HECTD3: variants seen among roughly 807,000 people sequenced by gnomAD.
HECTD3 encodes the protein HECT domain E3 ubiquitin protein ligase 3.
HECTD3 carries 72 observed loss-of-function variants against 109.3 expected under a neutral mutation model. That is an observed-to-expected ratio of 0.66 (90% confidence interval 0.54 to 0.80). The LOEUF is 0.80. Ranked by LOEUF, HECTD3 falls within the 30% of genes least tolerant of loss-of-function variation. The pLI, the probability that HECTD3 is intolerant of heterozygous loss-of-function variation, is 0.00. For synonymous variants in HECTD3, 481 were observed against 471.8 expected (o/e 1.02, Z -0.25); for missense variants, 1,041 against 1,165.2 (o/e 0.89, Z 1.55).
Position 45,011,139 on chromosome 1 carries a change from A to C in HECTD3, c.119T>G (p.Leu40Arg), listed in dbSNP as rs886066135. 3.3e-6 allele frequency: 5 copies of C among 1,508,238 alleles called. No homozygotes were observed. The highest frequency in any genetic ancestry group is 1.4e-5 in the African/African-American group (1 of 69,080). The allele number at this position is 1,508,238 out of a possible 1,614,324, so 93.4% of individuals were successfully genotyped here. ...LRAGRPLPAALAFVPREVLYK... is the reference protein window; with the variant it reads ...LRAGRPLPAARAFVPREVLYK... Reference sequence around the variant, plus strand: ...GAGCACCTCTCGCGGCACGAAAGCCAGCGCTGCTGGCAGCGGCCGCCCGGC... The same window carrying C: ...GAGCACCTCTCGCGGCACGAAAGCCCGCGCTGCTGGCAGCGGCCGCCCGGC... The change falls in exon 1 of 21, where the codon CTG becomes CGG. Residue 40 changes from leucine (L) to arginine (R), a missense_variant. By Grantham distance (102) the Leu-to-Arg change is moderately radical. Coordinates refer to ENST00000372172, the MANE Select transcript of HECTD3 (RefSeq NM_024602.6).
At chr1:45,008,783 G>A (rs1168163285) in intron 7 of HECTD3, 82 bp from the exon 8 acceptor site, 7 of 1,360,514 alleles carry the variant, frequency 5.1e-6, no homozygotes, top group Middle Eastern at 2.5e-4. Context: ...CTCCTTGAAC[G>A]CTCAGCCTTG....
Position 45,006,836 on chromosome 1 carries a change from A to C in HECTD3, c.1622-41T>G, listed in dbSNP as rs758286371. 18 of 1,600,434 alleles carry C rather than the reference A, an allele frequency of 1.1e-5. No individual in the cohort carries two copies. In the East Asian group the frequency reaches 3.3e-4, roughly 30 times the overall value. Reference sequence around the variant, plus strand: ...CCCTCAGCTGGGCACTCAAGAGCCCAGCTCCCATAATGGGGTAATGAATAG... The same window carrying C: ...CCCTCAGCTGGGCACTCAAGAGCCCCGCTCCCATAATGGGGTAATGAATAG... On this transcript the variant is annotated intron_variant, in intron 12 of 20. Transcript: ENST00000372172. The surrounding 1 kb of genome is among the most constrained non-coding windows in gnomAD (Gnocchi z 4.7).
At position 45,010,624 on chromosome 1, in the gene HECTD3, C is replaced by G. The variant is rs887065893; in HGVS notation, c.452G>C (p.Arg151Pro). The G allele has an allele frequency of 1.2e-6, 2 of 1,610,900 alleles. No homozygotes were observed. The highest frequency in any genetic ancestry group is 2.2e-5 in the East Asian group (1 of 44,836). The change falls in exon 2 of 21, where the codon CGC becomes CCC. Residue 151 changes from arginine (R) to proline (P), a missense_variant. Physicochemically the swap from Arg to Pro is moderately radical, Grantham distance 103. Transcript: ENST00000372172. ...GTTGGGAGTGTCGATGGGTACCAGG[C>G]GGGCTCCGCCCTCCGCCGGGCGGCA... is the stretch of plus-strand genomic sequence containing the variant. ...LVCRPAEGGA[R>P]LVPIDTPNHL...
chr1:45,004,726 AGTG>A lies in HECTD3; in HGVS notation c.2013_2015del (p.Thr672del), dbSNP rs1256736062. On this transcript the variant is annotated inframe_deletion, in exon 16 of 21. Transcript: ENST00000372172. Reference sequence around the variant, plus strand: ...CCACCACCTGTTGGTCACTCAGTACAGTGGTGAATGTTAGTTCCTTCCCAAACT... The same window carrying A: ...CCACCACCTGTTGGTCACTCAGTACAGTGAATGTTAGTTCCTTCCCAAACT... The A allele has an allele frequency of 6.2e-7, 1 of 1,614,060 alleles. No individual in the cohort carries two copies. The highest frequency in any genetic ancestry group is 8.5e-7 in the Non-Finnish European group (1 of 1,180,008).
chr1:45,008,104 C>G, intron 9 of HECTD3, 136 bp downstream of exon 9: 1 of 674,630 alleles, frequency 1.5e-6, no homozygotes, highest in Non-Finnish European at 2.6e-6. Context: ...ACCATTTGTT[C>G]TGGCTTTCTT....
Position 45,011,164 on chromosome 1 carries a change from C to A in HECTD3, c.94G>T (p.Ala32Ser). Residue 32 changes from alanine (A) to serine (S), a missense_variant, in exon 1 of 21, where the codon GCC becomes TCC. Coordinates refer to ENST00000372172, the MANE Select transcript of HECTD3 (RefSeq NM_024602.6). ...FLAEAARSLR[A>S]GRPLPAALAF... The stretch of plus-strand genomic sequence containing the variant: ...AGCGCTGCTGGCAGCGGCCGCCCGG[C>A]GCGGAGGCTCCGCGCTGCCTCTGCC... 1 of 1,496,108 alleles carries A rather than the reference C, an allele frequency of 6.7e-7. No homozygotes were observed. Among genetic ancestry groups the A allele is most frequent in the Non-Finnish European group, 8.8e-7 (1 of 1,131,242 alleles). The allele number at this position is 1,496,108 out of a possible 1,614,324, so 92.7% of individuals were successfully genotyped here.
In HECTD3 at chr1:45,003,800, G is replaced by A; in HGVS notation, c.2429+55C>T. ...GTGTTGGGGCACATGTACGTGTGTG[G>A]GGAGGGAGGACAGAAGGCGGCCATG... On this transcript the variant is annotated intron_variant, in intron 19 of 20. Transcript: ENST00000372172. This position sits in a 1 kb window ranked among gnomAD's most constrained non-coding sequence, Gnocchi z 4.7. 6.2e-7 allele frequency: 1 copy of A among 1,611,908 alleles called. No homozygotes were observed. The highest frequency in any genetic ancestry group is 1.3e-5 in the African/African-American group (1 of 74,950).
intron 8 of HECTD3, 22 bp from the exon 9 acceptor site, chr1:45,008,343 C>T (rs777925480): frequency 6.3e-7 from 1 of 1,599,862 alleles, no homozygotes; most frequent in Admixed American, 1.7e-5. Context: ...AGATAGACTG[C>T]AGCTAAAGAG....
At chr1:45,009,733 C>T (rs1644767721) in intron 4 of HECTD3, 50 bp from the exon 5 acceptor site, 1 of 1,427,168 alleles carries the variant, frequency 7.0e-7, no homozygotes, top group African/African-American at 1.4e-5. Context: ...CCTCCCTGCA[C>T]TGGGCTTGTG....
In HECTD3 at chr1:45,004,344, C is replaced by A; in HGVS notation, c.2176G>T (p.Val726Leu). 1 of 1,614,110 alleles carries A rather than the reference C, an allele frequency of 6.2e-7. No homozygotes were observed. Among genetic ancestry groups the A allele is most frequent in the Non-Finnish European group, 8.5e-7 (1 of 1,179,956 alleles). The change falls in exon 17 of 21, where the codon GTA becomes TTA. Residue 726 changes from valine to leucine, a missense_variant. Physicochemically the swap from Val to Leu is conservative, Grantham distance 32. Coordinates refer to ENST00000372172, the MANE Select transcript of HECTD3 (RefSeq NM_024602.6). Reference protein sequence around the residue: ...AAMQAGLLKVVPQAVLDLLTW... With the variant: ...AAMQAGLLKVLPQAVLDLLTW... ...AGCAAGTCCAGCACAGCCTGTGGTA[C>A]CACCTTCAGCAGACCTGCCTGCATA...
chr1:45,009,066 T>G (rs1471348950), intron 7 of HECTD3, 78 bp downstream of exon 7: 1 of 1,194,140 alleles, frequency 8.4e-7, no homozygotes, highest in Non-Finnish European at 1.2e-6. Context: ...GCCCATCCTC[T>G]TCTCTCCACA....
chr1:45,009,078 A>G, intron 7 of HECTD3, 66 bp downstream of exon 7: 1 of 1,244,370 alleles, frequency 8.0e-7, no homozygotes, highest in Non-Finnish European at 1.2e-6. Context: ...CTCTCCACAC[A>G]CACTCTCTGT....
chr1:45,009,981 C>A lies in HECTD3; in HGVS notation c.759+5G>T. On this transcript the variant is annotated splice_donor_5th_base_variant and intron_variant, in intron 4 of 20. Transcript: ENST00000372172. ...GCCTGGGGTGGGAGGAGCCCCAGCA[C>A]CCACCGTGTAGGAGGAAACGTCTAT... 1 of 1,524,674 alleles carries A rather than the reference C, an allele frequency of 6.6e-7. No individual in the cohort carries two copies. Among genetic ancestry groups the A allele is most frequent in the Non-Finnish European group, 8.8e-7 (1 of 1,134,528 alleles). The allele number at this position is 1,524,674 out of a possible 1,614,324, so 94.4% of individuals were successfully genotyped here.
chr1:45,011,091 G>A lies in HECTD3; in HGVS notation c.167C>T (p.Ala56Val). 2.0e-6 allele frequency: 3 copies of A among 1,496,058 alleles called. No homozygotes were observed. Among genetic ancestry groups the A allele is most frequent in the Non-Finnish European group, 2.7e-6 (3 of 1,129,042 alleles). The allele number at this position is 1,496,058 out of a possible 1,614,324, so 92.7% of individuals were successfully genotyped here. ...EVLYKLYKDP[A>V]GPSRVLLPVW... ...CGGCAGAAGCACGCGCGACGGTCCC[G>A]CTGGGTCCTTGTAAAGCTTGTAGAG... The change falls in exon 1 of 21, where the codon GCG becomes GTG. Residue 56 changes from alanine to valine, a missense_variant. This residue lies in a region of HECTD3 where 472 missense variants were observed against 449.9 expected (regional missense o/e 1.05). Coordinates refer to ENST00000372172, the MANE Select transcript of HECTD3 (RefSeq NM_024602.6).
intron 11 of HECTD3, 44 bp from the exon 12 acceptor site, chr1:45,007,059 G>A (rs1384574333): frequency 7.5e-6 from 12 of 1,608,448 alleles, no homozygotes; most frequent in Non-Finnish European, 1.0e-5. Context: ...GGGGCCAGGT[G>A]CAGCACAATT....
rs982975590 is a variant in HECTD3 at position 45,011,101 on chromosome 1, T to C, written c.157A>G (p.Lys53Glu). 1 of 1,507,132 alleles carries C rather than the reference T, an allele frequency of 6.6e-7. No individual in the cohort carries two copies. Among genetic ancestry groups the C allele is most frequent in the African/African-American group, 1.4e-5 (1 of 69,056 alleles). 93.4% of individuals were successfully genotyped at this position (1,507,132 alleles called of 1,614,324 possible). A position where few individuals can be genotyped will look rare whatever the true frequency, so the allele number is the denominator to read the frequency against. ...VPREVLYKLY[K>E]DPAGPSRVLL... Reference sequence around the variant, plus strand: ...ACGCGCGACGGTCCCGCTGGGTCCTTGTAAAGCTTGTAGAGCACCTCTCGC... The same window carrying C: ...ACGCGCGACGGTCCCGCTGGGTCCTCGTAAAGCTTGTAGAGCACCTCTCGC... The change falls in exon 1 of 21, where the codon AAG (lysine) becomes GAG (glutamate). Residue 53 changes from lysine (K) to glutamate (E), a missense_variant. Lys to Glu is a moderately conservative substitution (Grantham distance 56). Coordinates refer to ENST00000372172, the MANE Select transcript of HECTD3 (RefSeq NM_024602.6).
chr1:45,009,937 A>C, intron 4 of HECTD3, 49 bp downstream of exon 4: 5 of 1,515,138 alleles, frequency 3.3e-6, no homozygotes, highest in Non-Finnish European at 4.4e-6. Flanking sequence ...TCTAGCCTTG[A>C]GGGGTGTGAC....
Position 45,010,229 on chromosome 1 carries a change from C to G in HECTD3, c.595G>C (p.Ala199Pro). ...AGCCTTTGTACAGCTTCTGCGTATG[C>G]CTCTGCCGGCTGAGGTCTCGATCCC... is the stretch of plus-strand genomic sequence containing the variant. ...RLGSRPQPAE[A>P]YAEAVQRLLY... Residue 199 changes from alanine (A) to proline (P), a missense_variant, in exon 3 of 21, where the codon GCA becomes CCA. Physicochemically the swap from Ala to Pro is conservative, Grantham distance 27. Transcript: ENST00000372172. 6.2e-7 allele frequency: 1 copy of G among 1,614,044 alleles called. No individual in the cohort carries two copies. The highest frequency in any genetic ancestry group is 8.5e-7 in the Non-Finnish European group (1 of 1,180,024).
intron 15 of HECTD3, 106 bp downstream of exon 15, chr1:45,005,688 G>C (rs886645030): frequency 5.6e-5 from 49 of 878,562 alleles, no homozygotes; most frequent in South Asian, 2.7e-4. Flanking sequence ...GGATGGATTG[G>C]AGAGGGATCT....
Sources: gnomAD v4.1 joint callset for allele counts on GRCh38, gnomAD v4.1.1 for gene constraint, gnomAD v4.1.1 regional missense constraint, Gnocchi (gnomAD v3.1) non-coding constraint, MANE v1.5 for transcripts, NCBI Gene and HGNC (gene_info 2026-07-23, HGNC 2026-07-21) for gene names.